The following PTPRN2 variants were observed in gnomAD, a reference collection of about 807,000 sequenced individuals.
The protein encoded by PTPRN2 is protein tyrosine phosphatase receptor type N2, also known as receptor-type tyrosine-protein phosphatase N2.
Under a neutral mutation model 118.8 loss-of-function variants are expected in PTPRN2, and 74 were observed. The ratio of observed to expected loss-of-function variants is 0.62; its 90% CI spans 0.52 to 0.76. The LOEUF (loss-of-function observed/expected upper bound fraction) is 0.76. PTPRN2 is among the 30% of genes least tolerant of loss of function. The pLI is 0.00. For missense variants in PTPRN2, 1,481 were observed against 1,394.4 expected (o/e 1.06, Z -0.99); for synonymous variants, 641 against 608.0 (o/e 1.05, Z -0.80).
chr7:157,567,098 G>C (rs757194143), intron 21 of PTPRN2, among the ~76,000 whole-genome samples: 1 of 152,204 alleles, frequency 6.6e-6, no homozygotes, highest in Non-Finnish European at 1.5e-5. Flanking sequence ...GATAAGTGGA[G>C]AAATACAAAT....
chr7:157,973,265 T>A (rs1802478848), intron 11 of PTPRN2, among the ~76,000 whole-genome samples: 1 of 151,996 alleles, frequency 6.6e-6, no homozygotes, highest in Non-Finnish European at 1.5e-5. Flanking sequence ...TGCCTTTAGT[T>A]CATGGGCTGA....
At chr7:157,734,915 G>A (rs140801810) in intron 12 of PTPRN2, among the ~76,000 whole-genome samples, 3 of 152,342 alleles carry the variant, frequency 2.0e-5, no homozygotes, top group African/African-American at 7.2e-5. Context: ...TGGGAGGCAA[G>A]TTGCTATGGA....
intron 6 of PTPRN2, among the ~76,000 whole-genome samples, chr7:158,140,090 T>G (rs1819233335): frequency 6.6e-6 from 1 of 152,142 alleles, no homozygotes; most frequent in East Asian, 1.9e-4. Flanking sequence ...ACCGTCTTCT[T>G]TTCTCCTCTT....
intron 14 of PTPRN2, among the ~76,000 whole-genome samples, chr7:157,633,640 G>A (rs1475752793): frequency 6.6e-6 from 1 of 152,180 alleles, no homozygotes; most frequent in Non-Finnish European, 1.5e-5. Context: ...GCCATGGGCC[G>A]AGTCCCCGAT....
At chr7:157,795,526 C>T (rs1804816859) in intron 12 of PTPRN2, among the ~76,000 whole-genome samples, 1 of 152,248 alleles carries the variant, frequency 6.6e-6, no homozygotes, top group Non-Finnish European at 1.5e-5. Flanking sequence ...CATTTATTTA[C>T]AAGTCGCATG....
chr7:157,903,528 C>A lies in PTPRN2; in HGVS notation c.1724-4791G>T, dbSNP rs1353812045. Reference sequence around the variant, plus strand: ...AACAGATGTGCCACCGACAACCCTCCCACATGCCCCACGGTGCTGCCTCTC... The same window carrying A: ...AACAGATGTGCCACCGACAACCCTCACACATGCCCCACGGTGCTGCCTCTC... On this transcript the variant is annotated intron_variant, in intron 11 of 22. Coordinates refer to ENST00000389418, the MANE Select transcript of PTPRN2 (RefSeq NM_002847.5). This position sits in a 1 kb window ranked among gnomAD's most constrained non-coding sequence, Gnocchi z 4.2. Among the ~76,000 whole-genome samples the A allele has an allele frequency of 6.6e-6, 1 of 152,138 alleles. No homozygotes were observed. Among genetic ancestry groups the A allele is most frequent in the Non-Finnish European group, 1.5e-5 (1 of 68,028 alleles).
intron 1 of PTPRN2, among the ~76,000 whole-genome samples, chr7:158,576,632 T>C (rs1433639520): frequency 6.6e-6 from 1 of 152,192 alleles, no homozygotes; most frequent in Non-Finnish European, 1.5e-5. Flanking sequence ...TGGGGAGCCA[T>C]GGCTGACAGC....
At chr7:157,722,007 G>A (rs991257661) in intron 12 of PTPRN2, among the ~76,000 whole-genome samples, 16 of 152,188 alleles carry the variant, frequency 1.1e-4, no homozygotes, top group Non-Finnish European at 1.5e-4. Flanking sequence ...GTGCTCGGCC[G>A]CAAAAGCGCT....
intron 12 of PTPRN2, among the ~76,000 whole-genome samples, chr7:157,694,515 T>C (rs1342749129): frequency 1.3e-5 from 2 of 152,178 alleles, no homozygotes; most frequent in African/African-American, 2.4e-5. Context: ...CCCTAGAGTC[T>C]AGGGGGGTCA....
At chr7:157,976,045 C>T (rs2128822780) in intron 11 of PTPRN2, among the ~76,000 whole-genome samples, 1 of 152,356 alleles carries the variant, frequency 6.6e-6, no homozygotes, top group African/African-American at 2.4e-5. Flanking sequence ...AGGGCCCTCC[C>T]TCACCTGAGT....
chr7:157,592,078 C>T (rs935932627), intron 17 of PTPRN2, among the ~76,000 whole-genome samples: 5 of 152,114 alleles, frequency 3.3e-5, no homozygotes, highest in African/African-American at 9.7e-5. Context: ...ACCTGCTGTC[C>T]GAGATGTGTC....
chr7:157,982,063 G>A (rs977756523), intron 11 of PTPRN2, among the ~76,000 whole-genome samples: 9 of 149,120 alleles, frequency 6.0e-5, no homozygotes, highest in Non-Finnish European at 1.2e-4. Flanking sequence ...TAGAGATGAG[G>A]AGGGGAATGC....
chr7:158,532,571 T>G (rs990769950), intron 1 of PTPRN2: 5 of 390,086 alleles, frequency 1.3e-5, no homozygotes, highest in Admixed American at 3.3e-5. Flanking sequence ...GTATGTGACT[T>G]TGATCCTACA....
rs796486114 is a variant in PTPRN2 at position 158,521,613 on chromosome 7, A to C, written c.113-31828T>G. ...CGTCACAATGGTGGACTGTCCAGGT[A>C]GTGGCTCAGGAGGGAGGTCCACGTC... On this transcript the variant is annotated intron_variant, in intron 1 of 22. Transcript: ENST00000389418. Among the ~76,000 whole-genome samples the C allele has an allele frequency of 2.9e-4, 13 of 45,010 alleles. 1 individual carries two copies. Among genetic ancestry groups the C allele is most frequent in the African/African-American group, 9.3e-4 (13 of 14,012 alleles). The allele number at this position is 45,010 out of a possible 152,430, so 29.5% of individuals were successfully genotyped here. A position where few individuals can be genotyped will look rare whatever the true frequency, so the allele number is the denominator to read the frequency against.
intron 2 of PTPRN2, among the ~76,000 whole-genome samples, chr7:158,473,225 A>T (rs998822660): frequency 1.3e-5 from 2 of 152,200 alleles, no homozygotes; most frequent in African/African-American, 4.8e-5. Flanking sequence ...TTAGCAAATG[A>T]ACCAAAATTA....
chr7:158,231,996 GC>G (rs1415188262), intron 3 of PTPRN2, among the ~76,000 whole-genome samples: 3 of 152,100 alleles, frequency 2.0e-5, no homozygotes, highest in Non-Finnish European at 4.4e-5. Context: ...AATAATAAAT[GC>G]CTACATCAAA....
At chr7:157,756,326 G>T (rs11972650) in intron 12 of PTPRN2, among the ~76,000 whole-genome samples, 10,910 of 151,082 alleles carry the variant, frequency 0.072, 441 homozygotes, top group African/African-American at 0.1. Context: ...TTTGAGACAG[G>T]ATCTGTCGCC....
intron 2 of PTPRN2, among the ~76,000 whole-genome samples, chr7:158,414,082 A>G (rs1401468858): frequency 6.6e-6 from 1 of 151,774 alleles, no homozygotes; most frequent in African/African-American, 2.4e-5. Flanking sequence ...AAAAAAAAAA[A>G]AAAAAAAAGG....
intron 11 of PTPRN2, among the ~76,000 whole-genome samples, chr7:157,972,717 G>A (rs573110928): frequency 5.4e-5 from 8 of 148,500 alleles, no homozygotes; most frequent in African/African-American, 2.0e-4. Context: ...TCCACACCAC[G>A]AGAGCAGGGC....
Sources: gnomAD v4.1 joint callset for allele counts (sites outside exome capture counted in the v4.1 genomes callset) on GRCh38, gnomAD v4.1.1 for gene constraint, Gnocchi (gnomAD v3.1) non-coding constraint, MANE v1.5 for transcripts, NCBI Gene and HGNC (gene_info 2026-07-23, HGNC 2026-07-21) for gene names.